Variants in EIF2A observed in about 807,000 individuals in gnomAD.
EIF2A encodes the protein 65 kDa eukaryotic translation initiation factor 2A.
EIF2A carries 62 observed loss-of-function variants against 75.2 expected under a neutral mutation model. The observed-to-expected ratio is 0.82, with a 90% CI of 0.67 to 1.02. The LOEUF (loss-of-function observed/expected upper bound fraction) is 1.02, where lower values mean the gene tolerates loss of function less well. Among genes scored for constraint, EIF2A ranks in the 50% least tolerant of loss-of-function variants. The pLI, the probability that EIF2A is intolerant of heterozygous loss-of-function variation, is 0.00. For synonymous variants in EIF2A, 207 were observed against 239.0 expected (o/e 0.87, Z 1.23); for missense variants, 611 against 677.7 (o/e 0.90, Z 1.09).
At chr3:150,564,274 CTTTT>C in intron 5 of EIF2A, 21 bp from the exon 6 acceptor site, 6 of 1,135,522 alleles carry the variant, frequency 5.3e-6, no homozygotes, top group African/African-American at 1.6e-5. Context: ...ATTTTTTATA[CTTTT>C]TTTTTTTTTC....
intron 2 of EIF2A, among the ~76,000 whole-genome samples, chr3:150,557,307 A>G (rs753227796): frequency 1.3e-5 from 2 of 152,226 alleles, no homozygotes; most frequent in Non-Finnish European, 2.9e-5. Context: ...AGATAATTGT[A>G]AAATTCTGCC....
chr3:150,583,263 C>T lies in EIF2A; in HGVS notation c.1690C>T (p.Gln564Ter). The T allele has an allele frequency of 1.2e-6, 2 of 1,612,432 alleles. No individual in the cohort carries two copies. Among genetic ancestry groups the T allele is most frequent in the Non-Finnish European group, 1.7e-6 (2 of 1,179,370 alleles). ...AATGKQLEKN[Q>*]LEKIQKETAL... ...AACTGGAAAACAGCTAGAAAAAAAT[C>T]AGGTACTTTCTGCATTTTTCATTTA... The change falls in exon 13 of 14, where the codon CAG becomes TAG. Residue 564 changes from glutamine (Q) to a stop codon, truncating the protein, a stop_gained and splice_region_variant. Transcript: ENST00000460851. LOFTEE classifies it high-confidence loss of function.
In EIF2A at chr3:150,558,368, T is replaced by C. The variant is rs200598431; in HGVS notation, c.99-20T>C. On this transcript the variant is annotated intron_variant, in intron 2 of 13. Transcript: ENST00000460851. ...TATTAATGCTTATTCATTTAAACCT[T>C]TTTTTTTTGTCATTTTCAGGGAATC... 2.7e-6 allele frequency: 4 copies of C among 1,485,724 alleles called. No individual in the cohort carries two copies. Among genetic ancestry groups the C allele is most frequent in the Non-Finnish European group, 3.6e-6 (4 of 1,123,314 alleles). The allele number at this position is 1,485,724 out of a possible 1,614,324, so 92.0% of individuals were successfully genotyped here.
rs897711387 is a variant in EIF2A at position 150,584,037 on chromosome 3, C to G, written c.*126C>G. 4.9e-5 allele frequency: 41 copies of G among 840,346 alleles called. No homozygotes were observed. The highest frequency in any genetic ancestry group is 6.8e-5 in the Non-Finnish European group (38 of 556,234). 52.1% of individuals were successfully genotyped at this position (840,346 alleles called of 1,614,324 possible). A position where few individuals can be genotyped will look rare whatever the true frequency, so the allele number is the denominator to read the frequency against. On this transcript the variant is annotated 3_prime_UTR_variant, in exon 14 of 14. Coordinates refer to ENST00000460851, the MANE Select transcript of EIF2A (RefSeq NM_032025.5). ...TCAATCTATAATTTTAACCATTTAT[C>G]CAAGATTCTACTAAGTGTAAAATTA...
chr3:150,549,522 ATC>A (rs1723214614), intron 1 of EIF2A, among the ~76,000 whole-genome samples: 1 of 152,104 alleles, frequency 6.6e-6, no homozygotes, highest in African/African-American at 2.4e-5. Context: ...CTGGCCAGAA[ATC>A]TGTTTTTCTT....
intron 6 of EIF2A, chr3:150,565,835 G>T (rs1210431733): frequency 1.9e-5 from 2 of 102,686 alleles, no homozygotes; most frequent in African/African-American, 3.8e-5. Context: ...CGCTGTTGTT[G>T]CCCGGGCTGG....
chr3:150,583,145 T>C (rs1289558626), intron 12 of EIF2A, 55 bp from the exon 13 acceptor site: 1 of 1,484,926 alleles, frequency 6.7e-7, no homozygotes, highest in Non-Finnish European at 9.1e-7. Flanking sequence ...ATAAGGAAAT[T>C]TGCATTTGAA....
At chr3:150,556,075 G>A (rs1723548365) in intron 2 of EIF2A, among the ~76,000 whole-genome samples, 1 of 152,204 alleles carries the variant, frequency 6.6e-6, no homozygotes, top group Non-Finnish European at 1.5e-5. Context: ...GTGCATGGTG[G>A]AAGCCATGTG....
At chr3:150,577,536 C>T (rs1234435459) in intron 11 of EIF2A, among the ~76,000 whole-genome samples, 13 of 151,622 alleles carry the variant, frequency 8.6e-5, no homozygotes, top group African/African-American at 2.9e-4. Context: ...GATAGGTTAT[C>T]GCTATGTTTT....
At chr3:150,573,283 C>T (rs1022345131) in intron 10 of EIF2A, among the ~76,000 whole-genome samples, 1 of 152,154 alleles carries the variant, frequency 6.6e-6, no homozygotes, top group East Asian at 1.9e-4. Context: ...GACAGAGTCT[C>T]ACTCTGTCAT....
intron 13 of EIF2A, 133 bp downstream of exon 13, chr3:150,583,398 T>C (rs899885952): frequency 9.6e-6 from 7 of 726,720 alleles, no homozygotes; most frequent in Non-Finnish European, 1.3e-5. Context: ...TGCCATATTC[T>C]TTTTAATGTT....
At position 150,568,008 on chromosome 3, in the gene EIF2A, T is replaced by G; in HGVS notation, c.656T>G (p.Phe219Cys). ...GCAGCTTTAGCTAATAAAAGTTTCTTTAAGGCAGATAAAGTTACAATGCTG... is the reference window on the plus strand; with the variant it reads ...GCAGCTTTAGCTAATAAAAGTTTCTGTAAGGCAGATAAAGTTACAATGCTG... Reference protein sequence around the residue: ...PHAALANKSFFKADKVTMLWN... With the variant: ...PHAALANKSFCKADKVTMLWN... Residue 219 changes from phenylalanine (F) to cysteine (C), a missense_variant, in exon 8 of 14, where the codon TTT (phenylalanine) becomes TGT (cysteine). Phe to Cys is a radical substitution (Grantham distance 205, BLOSUM62 -2). Coordinates refer to ENST00000460851, the MANE Select transcript of EIF2A (RefSeq NM_032025.5). The G allele has an allele frequency of 6.2e-7, 1 of 1,612,718 alleles. No homozygotes were observed. The highest frequency in any genetic ancestry group is 8.5e-7 in the Non-Finnish European group (1 of 1,179,544).
In EIF2A at chr3:150,584,536, G is replaced by A. The variant is rs898776453; in HGVS notation, c.*625G>A. Reference sequence around the variant, plus strand: ...ACCCTGCTTAGTTTTCATGGATACTGCCAAATTGCCCTATCTCAAGCTTTA... The same window carrying A: ...ACCCTGCTTAGTTTTCATGGATACTACCAAATTGCCCTATCTCAAGCTTTA... On this transcript the variant is annotated 3_prime_UTR_variant, in exon 14 of 14. Transcript: ENST00000460851. 2.0e-5 allele frequency among the ~76,000 whole-genome samples: 3 copies of A among 152,138 alleles called. No homozygotes were observed. Among genetic ancestry groups the A allele is most frequent in the African/African-American group, 7.2e-5 (3 of 41,424 alleles).
At chr3:150,562,188 C>T (rs1723909927) in intron 3 of EIF2A, among the ~76,000 whole-genome samples, 1 of 151,992 alleles carries the variant, frequency 6.6e-6, no homozygotes, top group South Asian at 2.1e-4. Context: ...TTTGGGAGGC[C>T]AAGGCGGGCG....
Position 150,572,036 on chromosome 3 carries a change from C to CCAAAGCGACAATTTT in EIF2A, c.894_908dup (p.Lys298_Phe302dup). 2 of 1,613,882 alleles carry CCAAAGCGACAATTTT rather than the reference C, an allele frequency of 1.2e-6. No individual in the cohort carries two copies. The highest frequency in any genetic ancestry group is 1.7e-6 in the Non-Finnish European group (2 of 1,179,876). On this transcript the variant is annotated inframe_insertion, in exon 10 of 14. Transcript: ENST00000460851. Reference sequence around the variant, plus strand: ...TGTGCTGTATATGGTTTTATGCCTGCCAAAGCGACAATTTTCAACTTGAAA... The same window carrying CCAAAGCGACAATTTT: ...TGTGCTGTATATGGTTTTATGCCTGCCAAAGCGACAATTTTCAAAGCGACAATTTTCAACTTGAAA...
chr3:150,564,868 G>A, intron 6 of EIF2A: 1 of 190,408 alleles, frequency 5.3e-6, no homozygotes, highest in South Asian at 9.2e-5. Context: ...CTGAAGATTG[G>A]GGCCTTTCAT....
chr3:150,551,639 C>T (rs564172649), intron 1 of EIF2A, among the ~76,000 whole-genome samples: 8 of 151,930 alleles, frequency 5.3e-5, no homozygotes, highest in African/African-American at 1.9e-4. Context: ...GAGCCAGGAG[C>T]ATCACTTAAG....
At chr3:150,581,863 A>C in intron 12 of EIF2A, 117 bp downstream of exon 12, 13 of 1,245,134 alleles carry the variant, frequency 1.0e-5, no homozygotes, top group Non-Finnish European at 1.4e-5. Flanking sequence ...AGCAGTTCTC[A>C]TTGTTGTTTT....
intron 2 of EIF2A, 33 bp downstream of exon 2, chr3:150,552,458 G>A (rs1723364338): frequency 1.3e-6 from 2 of 1,518,628 alleles, no homozygotes; most frequent in Non-Finnish European, 1.8e-6. Context: ...ATGTTATAGG[G>A]AACATACAGT....
Sources: gnomAD v4.1 joint callset for allele counts (sites outside exome capture counted in the v4.1 genomes callset) on GRCh38, gnomAD v4.1.1 for gene constraint, MANE v1.5 for transcripts, NCBI Gene and HGNC (gene_info 2026-07-23, HGNC 2026-07-21) for gene names.